The following RBFOX2 variants were observed in gnomAD, a reference collection of about 807,000 sequenced individuals.
RBFOX2 encodes RNA binding protein fox-1 homolog 2.
Under a neutral mutation model 49.1 loss-of-function variants are expected in RBFOX2, and 10 were observed. The ratio of observed to expected loss-of-function variants is 0.20; its 90% CI spans 0.13 to 0.35. The LOEUF (loss-of-function observed/expected upper bound fraction) is 0.35. RBFOX2 is among the 10% of genes least tolerant of loss of function. The pLI, the probability that RBFOX2 is intolerant of heterozygous loss-of-function variation, is 1.00. For synonymous variants in RBFOX2, 183 were observed against 187.4 expected (o/e 0.98, Z 0.19); for missense variants, 323 against 486.9 (o/e 0.66, Z 3.17).
chr22:35,957,260 A>G lies in RBFOX2; in HGVS notation c.42+4303T>C, dbSNP rs1234385395. Among the ~76,000 whole-genome samples the G allele has an allele frequency of 3.3e-5, 5 of 152,210 alleles. No individual in the cohort carries two copies. In the South Asian group the frequency reaches 1.0e-3, roughly 31 times the overall value. ...AGGTAATACATGCAATATCTTACAC[A>G]GTGCCTGTTCCTTAATGGGGTGGCC... On this transcript the variant is annotated intron_variant, in intron 1 of 5. Transcript: ENST00000408983.
At chr22:35,952,660 A>T (rs1569509458) in intron 1 of RBFOX2, among the ~76,000 whole-genome samples, 1 of 152,238 alleles carries the variant, frequency 6.6e-6, no homozygotes, top group East Asian at 1.9e-4. Flanking sequence ...CAAAGGCTAC[A>T]CATACTTCCT....
At chr22:35,939,065 A>G (rs1045666472), upstream of RBFOX2, 27 of 715,014 alleles carry the variant, frequency 3.8e-5, no homozygotes, top group Non-Finnish European at 6.6e-5. Context: ...TTAAGCCTCT[A>G]CACTGGCAAA....
At chr22:35,789,384 A>C (rs1947124653) in intron 2 of RBFOX2, among the ~76,000 whole-genome samples, 1 of 152,012 alleles carries the variant, frequency 6.6e-6, no homozygotes, top group Admixed American at 6.6e-5. Context: ...TTCTACTAAA[A>C]ATAGAAAAAT....
At chr22:35,762,503 C>G (rs1370814173) in intron 6 of RBFOX2, among the ~76,000 whole-genome samples, 2 of 126,870 alleles carry the variant, frequency 1.6e-5, no homozygotes, top group African/African-American at 3.0e-5. Flanking sequence ...TTGGCCTCCT[C>G]TTTTTTTTTT....
intron 1 of RBFOX2, among the ~76,000 whole-genome samples, chr22:35,984,302 C>G (rs1251955510): frequency 1.3e-5 from 2 of 152,150 alleles, no homozygotes; most frequent in Non-Finnish European, 2.9e-5. Flanking sequence ...CCAGGTGATT[C>G]TAACGCACAG....
chr22:35,806,190 A>C (rs543474379), intron 2 of RBFOX2, among the ~76,000 whole-genome samples: 1 of 152,184 alleles, frequency 6.6e-6, no homozygotes, highest in African/African-American at 2.4e-5. Context: ...CTGGTGTGCA[A>C]TGTTGTTAGT....
intron 9 of RBFOX2, chr22:35,748,765 C>T (rs1933769243): frequency 6.6e-6 from 1 of 151,996 alleles, no homozygotes; most frequent in Non-Finnish European, 1.5e-5. Flanking sequence ...TCATGTTTAC[C>T]TAGGTAAAAA....
chr22:35,882,096 C>A (rs1285701238), intron 1 of RBFOX2, among the ~76,000 whole-genome samples: 2 of 151,754 alleles, frequency 1.3e-5, no homozygotes, highest in East Asian at 1.9e-4. Context: ...GAACTAAAGC[C>A]ATGAGAGTGG....
At chr22:35,785,967 C>T (rs1392645184) in intron 2 of RBFOX2, among the ~76,000 whole-genome samples, 1 of 152,196 alleles carries the variant, frequency 6.6e-6, no homozygotes, top group East Asian at 1.9e-4. Flanking sequence ...CTTAACATCT[C>T]ACAGTTGGAT....
At chr22:35,748,976 A>G (rs1933861010) in intron 9 of RBFOX2, among the ~76,000 whole-genome samples, 1 of 152,214 alleles carries the variant, frequency 6.6e-6, no homozygotes, top group African/African-American at 2.4e-5. Flanking sequence ...GTTCTAAGTG[A>G]GGTTGCTGAC....
chr22:36,028,044 G>A (rs1034151504), intron 1 of RBFOX2, among the ~76,000 whole-genome samples, 196 bp downstream of exon 1: 6 of 151,976 alleles, frequency 3.9e-5, no homozygotes, highest in Non-Finnish European at 5.9e-5. Flanking sequence ...ACCCTCTCGG[G>A]CACACCAGGT....
chr22:35,851,115 G>A (rs979918078), intron 1 of RBFOX2, among the ~76,000 whole-genome samples: 6 of 151,966 alleles, frequency 3.9e-5, no homozygotes, highest in Admixed American at 2.0e-4. Flanking sequence ...CTCCTTTTAC[G>A]GTCACTGTAA....
At chr22:35,765,598 TG>T (rs1439568122) in intron 5 of RBFOX2, 115 bp from the exon 7 acceptor site, 1 of 498,834 alleles carries the variant, frequency 2.0e-6, no homozygotes. Context: ...CTGAGAGCAG[TG>T]ATTTAAATAA....
chr22:35,783,640 TC>T (rs982047325), intron 2 of RBFOX2, among the ~76,000 whole-genome samples: 2 of 151,828 alleles, frequency 1.3e-5, no homozygotes, highest in Admixed American at 1.3e-4. Flanking sequence ...GCAGAGAACA[TC>T]CGGAATCAGA....
chr22:35,950,472 G>A (rs1409018918), intron 1 of RBFOX2, among the ~76,000 whole-genome samples: 1 of 152,176 alleles, frequency 6.6e-6, no homozygotes, highest in Non-Finnish European at 1.5e-5. Context: ...TCCTACAATG[G>A]ACAGCAGCCA....
chr22:35,756,576 A>G (rs1357286404), intron 9 of RBFOX2, among the ~76,000 whole-genome samples: 1 of 152,184 alleles, frequency 6.6e-6, no homozygotes, highest in Non-Finnish European at 1.5e-5. Context: ...GGAGTTTAAC[A>G]TGAAAAACTG....
At chr22:35,962,749 T>TCC (rs2149960826), upstream of RBFOX2, among the ~76,000 whole-genome samples, 1 of 152,200 alleles carries the variant, frequency 6.6e-6, no homozygotes, top group Non-Finnish European at 1.5e-5. Context: ...CTCCTCACTC[T>TCC]CCCTAAATAA....
intron 6 of RBFOX2, among the ~76,000 whole-genome samples, chr22:35,763,414 T>C (rs918918389): frequency 3.9e-5 from 6 of 152,038 alleles, no homozygotes; most frequent in East Asian, 1.9e-4. Context: ...ATACAAAAAT[T>C]AGCCGGATGT....
intron 1 of RBFOX2, among the ~76,000 whole-genome samples, chr22:35,986,483 G>A (rs1041833368): frequency 2.6e-5 from 4 of 152,058 alleles, no homozygotes; most frequent in Admixed American, 6.6e-5. Flanking sequence ...AATGAAAAAC[G>A]TGCACCTCAA....
Sources: allele counts gnomAD v4.1 joint callset (sites outside exome capture counted in the v4.1 genomes callset), GRCh38; gene constraint gnomAD v4.1.1; transcripts MANE v1.5; gene names NCBI Gene and HGNC (gene_info 2026-07-23, HGNC 2026-07-21).